DLG2: variants seen among roughly 807,000 people sequenced by gnomAD.
DLG2 encodes the protein discs large MAGUK scaffold protein 2, also known as disks large homolog 2.
Under a neutral mutation model 132.5 loss-of-function variants are expected in DLG2, and 45 were observed. The ratio of observed to expected loss-of-function variants is 0.34; its 90% confidence interval spans 0.27 to 0.44. The LOEUF (loss-of-function observed/expected upper bound fraction) is 0.44. Among genes scored for constraint, DLG2 ranks in the 20% least tolerant of loss-of-function variants. DLG2 has a pLI of 1.00. For synonymous variants in DLG2, 424 were observed against 419.6 expected (o/e 1.01, Z -0.13); for missense variants, 1,045 against 1,196.9 (o/e 0.87, Z 1.87).
intron 6 of DLG2, among the ~76,000 whole-genome samples, chr11:84,797,490 G>T (rs948414429): frequency 2.0e-5 from 3 of 151,992 alleles, no homozygotes; most frequent in East Asian, 1.9e-4. Context: ...TCTTCTTTTT[G>T]ATCAATTCTG....
At chr11:84,795,749 G>A (rs748741573) in intron 6 of DLG2, among the ~76,000 whole-genome samples, 6 of 152,110 alleles carry the variant, frequency 3.9e-5, no homozygotes, top group South Asian at 2.1e-4. Context: ...AGACGCTTCC[G>A]GAGCCAGGGC....
intron 6 of DLG2, among the ~76,000 whole-genome samples, chr11:84,931,771 C>G (rs1358651539): frequency 6.6e-6 from 1 of 152,182 alleles, no homozygotes; most frequent in Admixed American, 6.5e-5. Flanking sequence ...ACAACCTTGC[C>G]AGCATATGCT....
intron 11 of DLG2, among the ~76,000 whole-genome samples, chr11:84,020,602 A>G (rs2154076787): frequency 6.6e-6 from 1 of 152,336 alleles, no homozygotes; most frequent in African/African-American, 2.4e-5. Flanking sequence ...CACACAGGAA[A>G]GCAGTTTTAT....
chr11:83,484,302 C>T, intron 21 of DLG2, 74 bp from the exon 22 acceptor site: 1 of 1,099,210 alleles, frequency 9.1e-7, no homozygotes, highest in Non-Finnish European at 1.4e-6. Flanking sequence ...GACAAAACAA[C>T]TAGTTTGTAA....
intron 18 of DLG2, among the ~76,000 whole-genome samples, chr11:83,684,141 GACAGGTATCTCTGTCTTGAACGTTCC>G (rs2079304415): frequency 6.6e-6 from 1 of 152,044 alleles, no homozygotes; most frequent in Admixed American, 6.6e-5. Flanking sequence ...CAAGCAGGAA[GACAGGTATCTCTGTCTTGAACGTTCC>G]ACTGCTAACT....
chr11:85,390,499 C>G (rs1273099000), intron 3 of DLG2, among the ~76,000 whole-genome samples: 1 of 151,842 alleles, frequency 6.6e-6, no homozygotes, highest in Non-Finnish European at 1.5e-5. Flanking sequence ...CTGGAACAAA[C>G]AGACTTAACA....
At chr11:84,633,106 C>A (rs1337341820) in intron 6 of DLG2, among the ~76,000 whole-genome samples, 2 of 152,104 alleles carry the variant, frequency 1.3e-5, no homozygotes, top group African/African-American at 4.8e-5. Flanking sequence ...ATTAATGTAG[C>A]CATTTAGAGA....
intron 11 of DLG2, among the ~76,000 whole-genome samples, chr11:84,036,344 T>G (rs768142343): frequency 5.9e-5 from 9 of 152,114 alleles, no homozygotes; most frequent in Admixed American, 1.3e-4. Context: ...CTGATATCCT[T>G]CATGAAAATG....
At chr11:84,113,618 G>T (rs1182304573) in intron 9 of DLG2, among the ~76,000 whole-genome samples, 1 of 152,126 alleles carries the variant, frequency 6.6e-6, no homozygotes, top group Non-Finnish European at 1.5e-5. Flanking sequence ...GATAGGATGG[G>T]TGATAATAAT....
intron 6 of DLG2, among the ~76,000 whole-genome samples, chr11:84,884,795 G>T (rs990042728): frequency 1.3e-5 from 2 of 151,896 alleles, no homozygotes; most frequent in African/African-American, 4.8e-5. Flanking sequence ...GCCAACCATG[G>T]TCCAAAAATA....
chr11:84,338,691 A>G (rs767718603), intron 7 of DLG2, among the ~76,000 whole-genome samples: 2 of 152,120 alleles, frequency 1.3e-5, no homozygotes, highest in Non-Finnish European at 2.9e-5. Flanking sequence ...CTGTAATCCC[A>G]GCTACACGGG....
chr11:84,711,330 AAGAGAGAGAGAGAG>A (rs760750088), intron 6 of DLG2, among the ~76,000 whole-genome samples: 31 of 48,476 alleles, frequency 6.4e-4, no homozygotes, highest in South Asian at 1.1e-3. Flanking sequence ...CAGAACCAGT[AAGAGAGAGAGAGAG>A]AGAGAGAGAG....
At chr11:84,899,200 G>T (rs780381761) in intron 6 of DLG2, among the ~76,000 whole-genome samples, 5 of 152,014 alleles carry the variant, frequency 3.3e-5, no homozygotes, top group African/African-American at 9.7e-5. Flanking sequence ...ATGTGTGATG[G>T]TTCTTCAGAT....
At position 84,502,274 on chromosome 11, in the gene DLG2, CCT is replaced by C. The variant is rs1567804865; in HGVS notation, c.519+32294_519+32295del. Among the ~76,000 whole-genome samples the C allele has an allele frequency of 7.6e-5, 4 of 52,298 alleles. 2 individuals carry two copies. The African/African-American group carries it at 9.6e-4, about 13-fold the overall frequency. The allele number at this position is 52,298 out of a possible 152,430, so 34.3% of individuals were successfully genotyped here. ...TCCTTCCTTCCTTCCTTCCTTCCTT[CCT>C]TCCTTCTTTCTTTCTTTCTTTCTTT... On this transcript the variant is annotated intron_variant, in intron 7 of 27. Coordinates refer to ENST00000376104, the MANE Select transcript of DLG2 (RefSeq NM_001142699.3).
intron 5 of DLG2, among the ~76,000 whole-genome samples, chr11:85,125,057 C>G (rs1425983346): frequency 6.6e-6 from 1 of 152,168 alleles, no homozygotes; most frequent in African/African-American, 2.4e-5. Flanking sequence ...GTCTCGATCT[C>G]CTGACCTCAT....
intron 7 of DLG2, among the ~76,000 whole-genome samples, chr11:84,321,878 A>T (rs1271899830): frequency 1.3e-5 from 2 of 152,170 alleles, no homozygotes; most frequent in East Asian, 3.9e-4. Context: ...CATTCCCTGA[A>T]TACCGGGTCA....
At chr11:85,235,668 A>G (rs2075548303) in intron 4 of DLG2, among the ~76,000 whole-genome samples, 1 of 151,994 alleles carries the variant, frequency 6.6e-6, no homozygotes, top group Non-Finnish European at 1.5e-5. Flanking sequence ...CAATGAGTCA[A>G]TATAAGTAAG....
intron 3 of DLG2, among the ~76,000 whole-genome samples, chr11:85,436,023 C>T (rs1407198829): frequency 1.3e-5 from 2 of 152,232 alleles, no homozygotes; most frequent in South Asian, 2.1e-4. Flanking sequence ...TTACAACCAA[C>T]TGATCTTCAA....
chr11:84,978,460 G>T (rs1566560867), intron 6 of DLG2, among the ~76,000 whole-genome samples: 1 of 152,006 alleles, frequency 6.6e-6, no homozygotes. Context: ...CCAAAACAGA[G>T]ACATAGACCA....
Sources: gnomAD v4.1 joint callset for allele counts (sites outside exome capture counted in the v4.1 genomes callset) on GRCh38, gnomAD v4.1.1 for gene constraint, MANE v1.5 for transcripts, NCBI Gene and HGNC (gene_info 2026-07-23, HGNC 2026-07-21) for gene names.